Variants in ATP10A observed in about 807,000 individuals in gnomAD.
The protein encoded by ATP10A is ATPase phospholipid transporting 10A (putative), also known as phospholipid-transporting ATPase VA.
Under a neutral mutation model 147.8 loss-of-function variants are expected in ATP10A, and 111 were observed. The observed-to-expected ratio is 0.75, with a 90% CI of 0.64 to 0.88. ATP10A has a LOEUF of 0.88. ATP10A is among the 40% of genes least tolerant of loss of function. ATP10A has a pLI of 0.00. For missense variants in ATP10A, 1,927 were observed against 1,959.0 expected (o/e 0.98, Z 0.31); for synonymous variants, 875 against 841.6 (o/e 1.04, Z -0.69).
intron 1 of ATP10A, among the ~76,000 whole-genome samples, chr15:25,785,709 G>T (rs910691533): frequency 6.6e-6 from 1 of 152,134 alleles, no homozygotes; most frequent in African/African-American, 2.4e-5. Flanking sequence ...ACTCAACCAC[G>T]CCCTTCTTGA....
At chr15:25,704,991 G>GA (rs1900890285) in intron 12 of ATP10A, among the ~76,000 whole-genome samples, 1 of 152,226 alleles carries the variant, frequency 6.6e-6, no homozygotes, top group Non-Finnish European at 1.5e-5. Context: ...GACATTTAGA[G>GA]AAACTAGCAA....
At chr15:25,735,023 G>T (rs1422620161) in intron 3 of ATP10A, among the ~76,000 whole-genome samples, 3 of 127,266 alleles carry the variant, frequency 2.4e-5, no homozygotes, top group African/African-American at 8.6e-5. Context: ...GTGGGGGGGT[G>T]GGGGAAGTGG....
chr15:25,779,031 C>G (rs1472575225), intron 2 of ATP10A, among the ~76,000 whole-genome samples: 1 of 152,170 alleles, frequency 6.6e-6, no homozygotes, highest in Admixed American at 6.5e-5. Flanking sequence ...CATGCGCCAC[C>G]ACGCCCAGCT....
intron 1 of ATP10A, among the ~76,000 whole-genome samples, chr15:25,786,389 C>A (rs1213682137): frequency 6.6e-6 from 1 of 152,206 alleles, no homozygotes; most frequent in Non-Finnish European, 1.5e-5. Flanking sequence ...CAGTAACTTC[C>A]AGTGGCACAT....
At chr15:25,855,035 G>C (rs184347908) in intron 1 of ATP10A, among the ~76,000 whole-genome samples, 1 of 146,652 alleles carries the variant, frequency 6.8e-6, no homozygotes, top group East Asian at 2.0e-4. Flanking sequence ...CTCCAGCCTG[G>C]GCAACAAGAG....
At position 25,749,015 on chromosome 15, in the gene ATP10A, A is replaced by C. The variant is rs1476761384; in HGVS notation, c.655-12874T>G. Among the ~76,000 whole-genome samples, 3 of 148,840 alleles carry C rather than the reference A, an allele frequency of 2.0e-5. No homozygotes were observed. In the Admixed American group the frequency reaches 2.0e-4, roughly 10 times the overall value. ...GAGGCAGAGGTTGCAATGAGCCAAG[A>C]TAGCACCACTGTACTTCAGCCTGGG... On this transcript the variant is annotated intron_variant, in intron 2 of 20. Transcript: ENST00000555815.
intron 2 of ATP10A, among the ~76,000 whole-genome samples, chr15:25,765,819 T>C (rs11638039): frequency 0.47 from 71,004 of 152,090 alleles, 17,928 homozygotes; most frequent in Non-Finnish European, 0.57. Context: ...TTTCCTCCAG[T>C]AGCCTGCCTT....
At chr15:25,820,439 G>C (rs141138755) in intron 1 of ATP10A, among the ~76,000 whole-genome samples, 133 of 152,254 alleles carry the variant, frequency 8.7e-4, no homozygotes, top group Non-Finnish European at 3.8e-4. Flanking sequence ...ATACCATACT[G>C]ATGTTGATTC....
intron 1 of ATP10A, among the ~76,000 whole-genome samples, chr15:25,813,922 A>G (rs1380710595): frequency 6.6e-6 from 1 of 152,122 alleles, no homozygotes; most frequent in African/African-American, 2.4e-5. Flanking sequence ...AGCCTAATCT[A>G]TCTGTAAATT....
At chr15:25,839,854 A>G (rs1225466074) in intron 1 of ATP10A, among the ~76,000 whole-genome samples, 1 of 152,140 alleles carries the variant, frequency 6.6e-6, no homozygotes, top group Non-Finnish European at 1.5e-5. Flanking sequence ...ACAAAATCAA[A>G]ACCGGGAAAT....
rs1463699907 is a variant in ATP10A at position 25,718,386 on chromosome 15, GGCCAGACGCT to G, written c.1367_1376del (p.Gln456ProfsTer83). Reference sequence around the variant, plus strand: ...CCTCCGAGTCTGCCTCTTGGTACCTGGCCAGACGCTGCGCTGCGGGGAGAGGGCGCAGGGT... The same window carrying G: ...CCTCCGAGTCTGCCTCTTGGTACCTGGCGCTGCGGGGAGAGGGCGCAGGGT... On this transcript the variant is annotated frameshift_variant, in exon 8 of 21. Coordinates refer to ENST00000555815, the MANE Select transcript of ATP10A (RefSeq NM_024490.4). LOFTEE classifies it high-confidence loss of function. 23 of 1,602,372 alleles carry G rather than the reference GGCCAGACGCT, an allele frequency of 1.4e-5. No individual in the cohort carries two copies. The highest frequency in any genetic ancestry group is 1.8e-5 in the Non-Finnish European group (21 of 1,177,050).
intron 1 of ATP10A, among the ~76,000 whole-genome samples, chr15:25,816,050 T>G (rs1891641466): frequency 6.6e-6 from 1 of 150,710 alleles, no homozygotes; most frequent in African/African-American, 2.4e-5. Context: ...CAGTAATAAT[T>G]GACTTATAGG....
At chr15:25,685,743 G>A (rs1257485110) in intron 16 of ATP10A, among the ~76,000 whole-genome samples, 8 of 151,408 alleles carry the variant, frequency 5.3e-5, no homozygotes, top group Admixed American at 5.3e-4. Flanking sequence ...GGGATTGCTT[G>A]AGCCTAGGAG....
At chr15:25,701,637 G>A (rs1900667514) in intron 13 of ATP10A, among the ~76,000 whole-genome samples, 1 of 152,198 alleles carries the variant, frequency 6.6e-6, no homozygotes, top group South Asian at 2.1e-4. Flanking sequence ...AAGCACAGGG[G>A]ACCTCACGAG....
chr15:25,808,533 C>A (rs190999212), intron 1 of ATP10A, among the ~76,000 whole-genome samples: 1 of 152,180 alleles, frequency 6.6e-6, no homozygotes, highest in African/African-American at 2.4e-5. Context: ...TACAGGCATG[C>A]GCCACCACGC....
chr15:25,853,711 G>A (rs1893387920), intron 1 of ATP10A, among the ~76,000 whole-genome samples: 1 of 152,026 alleles, frequency 6.6e-6, no homozygotes, highest in South Asian at 2.1e-4. Context: ...ACCATTAAAT[G>A]AGCACCATGC....
intron 2 of ATP10A, among the ~76,000 whole-genome samples, chr15:25,768,444 T>C (rs1034647698): frequency 3.0e-4 from 46 of 152,120 alleles, no homozygotes; most frequent in African/African-American, 1.1e-3. Context: ...TCCCATCCTG[T>C]CCACCCCAAG....
chr15:25,850,287 C>T (rs1893225405), intron 1 of ATP10A, among the ~76,000 whole-genome samples: 1 of 152,222 alleles, frequency 6.6e-6, no homozygotes, highest in Non-Finnish European at 1.5e-5. Context: ...CTCTCCCTGC[C>T]TCGTCTTTCC....
In ATP10A at chr15:25,713,851, A is replaced by G. The variant is rs1285594658; in HGVS notation, c.2167T>C (p.Ser723Pro). The change falls in exon 10 of 21, where the codon TCA (serine) becomes CCA (proline). Residue 723 changes from serine (S) to proline (P), a missense_variant. Coordinates refer to ENST00000555815, the MANE Select transcript of ATP10A (RefSeq NM_024490.4). ...VLVERLHDQV[S>P]VELPHLGRLT... ...CTGCCCAGGTGGGGCAGCTCCACTGACACTTGGTCGTGCAGCCGCTCCACA... is the reference window on the plus strand; with the variant it reads ...CTGCCCAGGTGGGGCAGCTCCACTGGCACTTGGTCGTGCAGCCGCTCCACA... 6.2e-7 allele frequency: 1 copy of G among 1,613,932 alleles called. No individual in the cohort carries two copies. The highest frequency in any genetic ancestry group is 2.2e-5 in the East Asian group (1 of 44,870).
Sources: gnomAD v4.1 joint callset for allele counts (sites outside exome capture counted in the v4.1 genomes callset) on GRCh38, gnomAD v4.1.1 for gene constraint, MANE v1.5 for transcripts, NCBI Gene and HGNC (gene_info 2026-07-23, HGNC 2026-07-21) for gene names.